MEP1B: variants seen among roughly 807,000 people sequenced by gnomAD.
MEP1B encodes N-benzoyl-L-tyrosyl-P-amino-benzoic acid hydrolase subunit beta.
In MEP1B, 80 loss-of-function variants were observed where a neutral mutation model predicts 84.6. That is an observed-to-expected ratio of 0.95 (90% confidence interval 0.79 to 1.14). The LOEUF (loss-of-function observed/expected upper bound fraction) is 1.14. Ranked by LOEUF, MEP1B falls within the 50% of genes most tolerant of loss-of-function variation. The pLI, the probability that MEP1B is intolerant of heterozygous loss-of-function variation, is 0.00. For missense variants in MEP1B, 766 were observed against 855.1 expected, an observed-to-expected ratio of 0.90 and a Z score of 1.30; for synonymous variants, 273 against 288.1, an observed-to-expected ratio of 0.95 and a Z score of 0.53.
Position 32,196,472 on chromosome 18 carries a change from G to T in MEP1B, c.250+987G>T, listed in dbSNP as rs545874444. The stretch of plus-strand genomic sequence containing the variant: ...CCCTTCCTTCTGGTGCTGCAGGGCC[G>T]ACCGGAAACTCAGCTTTGCTCTCAT... On this transcript the variant is annotated intron_variant, in intron 5 of 14. Coordinates refer to ENST00000269202, the MANE Select transcript of MEP1B (RefSeq NM_005925.3). The surrounding 1 kb of genome is among the most constrained non-coding windows in gnomAD (Gnocchi z 4.4). 1.4e-6 allele frequency: 1 copy of T among 694,124 alleles called. No individual in the cohort carries two copies. Among genetic ancestry groups the T allele is most frequent in the Non-Finnish European group, 2.7e-6 (1 of 376,350 alleles). The allele number at this position is 694,124 out of a possible 1,614,324, so 43.0% of individuals were successfully genotyped here.
chr18:32,216,885 GAAAGAAAA>G (rs1401813403), intron 12 of MEP1B, 98 bp from the exon 13 acceptor site: 3 of 1,280,640 alleles, frequency 2.3e-6, no homozygotes, highest in Admixed American at 2.7e-5. Flanking sequence ...AAAAAAGAAA[GAAAGAAAA>G]AAGGAAAAAA....
chr18:32,197,772 T>C (rs2040870845), intron 5 of MEP1B, among the ~76,000 whole-genome samples: 1 of 152,198 alleles, frequency 6.6e-6, no homozygotes. Context: ...TGGGTACGTG[T>C]GCAGGTTTGT....
chr18:32,201,801 T>C (rs955446323), intron 5 of MEP1B, among the ~76,000 whole-genome samples: 20 of 152,246 alleles, frequency 1.3e-4, no homozygotes, highest in Admixed American at 1.1e-3. Flanking sequence ...TTACAACTTA[T>C]GGATTTTAGG....
chr18:32,213,947 G>A (rs371866520), intron 11 of MEP1B, among the ~76,000 whole-genome samples: 18 of 152,144 alleles, frequency 1.2e-4, no homozygotes, highest in African/African-American at 4.3e-4. Context: ...GTAAAGCCAG[G>A]GCTGTAGTAA....
In MEP1B at chr18:32,220,356, C is replaced by A. The variant is rs2041138639; in HGVS notation, c.*111C>A. On this transcript the variant is annotated 3_prime_UTR_variant, in exon 15 of 15. Transcript: ENST00000269202. ...CATTCTTCTAAAAGTGGATATTTTT[C>A]TGTAAATAGCTGGAAATATTATAAA... 3 of 962,048 alleles carry A rather than the reference C, an allele frequency of 3.1e-6. No homozygotes were observed. The highest frequency in any genetic ancestry group is 3.3e-5 in the African/African-American group (2 of 60,728). 59.6% of individuals were successfully genotyped at this position (962,048 alleles called of 1,614,324 possible). A position where few individuals can be genotyped will look rare whatever the true frequency, so the allele number is the denominator to read the frequency against.
intron 10 of MEP1B, 102 bp from the exon 11 acceptor site, chr18:32,213,014 C>G: frequency 9.6e-7 from 1 of 1,040,842 alleles, no homozygotes; most frequent in Non-Finnish European, 1.4e-6. Context: ...AGAAATAAAT[C>G]GGTTTTGGAT....
At chr18:32,212,384 G>A (rs2041037315) in intron 10 of MEP1B, among the ~76,000 whole-genome samples, 2 of 152,126 alleles carry the variant, frequency 1.3e-5, no homozygotes, top group African/African-American at 4.8e-5. Context: ...GAATTCCTCA[G>A]CTGTTGTTCA....
At chr18:32,204,510 T>C (rs2040945320) in intron 7 of MEP1B, 150 bp downstream of exon 7, 1 of 713,402 alleles carries the variant, frequency 1.4e-6, no homozygotes, top group Admixed American at 2.8e-5. Flanking sequence ...TTCTGAGTTA[T>C]TGGAGCACTA....
intron 5 of MEP1B, among the ~76,000 whole-genome samples, chr18:32,202,129 A>G (rs1421448486): frequency 6.6e-6 from 1 of 152,202 alleles, no homozygotes. Context: ...GTCTGGCTCC[A>G]AAGTCCAAGC....
chr18:32,201,309 C>A (rs79572600), intron 5 of MEP1B, among the ~76,000 whole-genome samples: 1 of 151,388 alleles, frequency 6.6e-6, no homozygotes. Context: ...TACACACACA[C>A]ACACACACAC....
At chr18:32,214,857 T>C (rs2041065928) in intron 11 of MEP1B, among the ~76,000 whole-genome samples, 1 of 152,174 alleles carries the variant, frequency 6.6e-6, no homozygotes, top group Admixed American at 6.5e-5. Context: ...ACCTCTCCAC[T>C]CTTATTCTAG....
chr18:32,209,705 G>A (rs1008179590), intron 9 of MEP1B, among the ~76,000 whole-genome samples: 1 of 9,644 alleles, frequency 1.0e-4, no homozygotes, highest in Admixed American at 1.1e-3. Context: ...GATGGTTGCT[G>A]TAGTTAACAA....
rs2041017905 is a variant in MEP1B, at chr18:32,210,731, T to C, written c.1135+15T>C. 2 of 1,600,662 alleles carry C rather than the reference T, an allele frequency of 1.2e-6. No homozygotes were observed. Among genetic ancestry groups the C allele is most frequent in the Non-Finnish European group, 1.7e-6 (2 of 1,169,340 alleles). ...AGAAATAAAAGGTACAATGTCAACA[T>C]CCTTATTGTCTGGATTTAAAATGAG... On this transcript the variant is annotated intron_variant, in intron 10 of 14. Coordinates refer to ENST00000269202, the MANE Select transcript of MEP1B (RefSeq NM_005925.3).
At chr18:32,195,050 G>A (rs1449051342) in intron 4 of MEP1B, among the ~76,000 whole-genome samples, 1 of 152,112 alleles carries the variant, frequency 6.6e-6, no homozygotes, top group South Asian at 2.1e-4. Context: ...CTGATATTGT[G>A]AGATCCAGAT....
chr18:32,191,558 C>T (rs1024599052), intron 1 of MEP1B, among the ~76,000 whole-genome samples: 1 of 151,944 alleles, frequency 6.6e-6, no homozygotes, highest in African/African-American at 2.4e-5. Context: ...CTTTTCCCCC[C>T]CAATTTTTGA....
intron 2 of MEP1B, 129 bp from the exon 3 acceptor site, chr18:32,192,517 T>C (rs1356781410): frequency 2.5e-6 from 2 of 787,806 alleles, no homozygotes; most frequent in East Asian, 2.4e-5. Flanking sequence ...TCAATGTATG[T>C]TGAGTCTGAA....
At chr18:32,207,609 CA>C (rs1346026076) in intron 8 of MEP1B, 139 bp downstream of exon 8, 1 of 641,500 alleles carries the variant, frequency 1.6e-6, no homozygotes, top group African/African-American at 1.8e-5. Flanking sequence ...AACAGAATAG[CA>C]CTCAGATCTC....
intron 4 of MEP1B, among the ~76,000 whole-genome samples, chr18:32,194,205 C>T (rs1451068045): frequency 6.6e-6 from 1 of 152,198 alleles, no homozygotes; most frequent in East Asian, 1.9e-4. Flanking sequence ...TGCAAATCGT[C>T]CACTTTTCTC....
At chr18:32,215,282 T>C in intron 12 of MEP1B, 21 bp downstream of exon 12, 1 of 1,495,512 alleles carries the variant, frequency 6.7e-7, no homozygotes, top group South Asian at 1.3e-5. Flanking sequence ...AAAAATAGTT[T>C]TATATAAACT....
Sources: allele counts gnomAD v4.1 joint callset (sites outside exome capture counted in the v4.1 genomes callset), GRCh38; gene constraint gnomAD v4.1.1; non-coding constraint Gnocchi (gnomAD v3.1); transcripts MANE v1.5; gene names NCBI Gene and HGNC (gene_info 2026-07-23, HGNC 2026-07-21).